LHCGR: variants seen among roughly 807,000 people sequenced by gnomAD.
LHCGR encodes luteinizing hormone/choriogonadotropin receptor.
A neutral mutation model predicts 60.7 loss-of-function variants in LHCGR; 55 were observed. The observed-to-expected ratio is 0.91, with a 90% CI of 0.73 to 1.13. The LOEUF (loss-of-function observed/expected upper bound fraction) is 1.13, where lower values mean the gene tolerates loss of function less well. Among genes scored for constraint, LHCGR ranks in the 50% most tolerant of loss-of-function variants. LHCGR has a pLI of 0.00. For missense variants in LHCGR, 862 were observed against 836.0 expected, an observed-to-expected ratio of 1.03 and a Z score of -0.38; for synonymous variants, 337 against 316.5, an observed-to-expected ratio of 1.06 and a Z score of -0.69.
At chr2:48,745,141 A>C (rs1183391225) in intron 1 of LHCGR, among the ~76,000 whole-genome samples, 3 of 152,252 alleles carry the variant, frequency 2.0e-5, no homozygotes, top group South Asian at 2.1e-4. Context: ...CAAAACCACA[A>C]TGAGATACCA....
At chr2:48,690,153 G>A (rs550833198) in intron 10 of LHCGR, among the ~76,000 whole-genome samples, 3 of 152,172 alleles carry the variant, frequency 2.0e-5, no homozygotes, top group South Asian at 2.1e-4. Flanking sequence ...TTCACTTATC[G>A]AATTCAAACC....
chr2:48,742,169 C>T (rs964478156), intron 1 of LHCGR, among the ~76,000 whole-genome samples: 3 of 151,948 alleles, frequency 2.0e-5, no homozygotes, highest in African/African-American at 7.3e-5. Flanking sequence ...GGACCCAATA[C>T]AGGAGCACCC....
chr2:48,690,869 A>G (rs1266785643), intron 10 of LHCGR, among the ~76,000 whole-genome samples: 1 of 152,206 alleles, frequency 6.6e-6, no homozygotes, highest in African/African-American at 2.4e-5. Flanking sequence ...GGTTTTACTT[A>G]TTTCTGAAAT....
intron 1 of LHCGR, among the ~76,000 whole-genome samples, chr2:48,748,248 C>A (rs78472009): frequency 0.011 from 1,642 of 152,230 alleles, 16 homozygotes; most frequent in Non-Finnish European, 0.016. Context: ...ATCTTTGGAT[C>A]CTGCATGCTA....
chr2:48,735,906 A>T (rs1230570451), intron 1 of LHCGR, among the ~76,000 whole-genome samples: 1 of 152,140 alleles, frequency 6.6e-6, no homozygotes, highest in Non-Finnish European at 1.5e-5. Flanking sequence ...TGATTGGATC[A>T]AGGGGGCAGA....
At chr2:48,725,124 T>A (rs1292788635) in intron 4 of LHCGR, among the ~76,000 whole-genome samples, 1 of 152,228 alleles carries the variant, frequency 6.6e-6, no homozygotes. Flanking sequence ...ACAGTGGTAC[T>A]CAATTTCTAA....
chr2:48,692,034 G>T (rs1666873861), intron 10 of LHCGR, among the ~76,000 whole-genome samples: 1 of 152,136 alleles, frequency 6.6e-6, no homozygotes, highest in Non-Finnish European at 1.5e-5. Context: ...CTCTCTCATT[G>T]TTTTTCAAAG....
chr2:48,732,246 G>A (rs753412059), intron 1 of LHCGR, among the ~76,000 whole-genome samples: 1 of 152,210 alleles, frequency 6.6e-6, no homozygotes, highest in Non-Finnish European at 1.5e-5. Context: ...CCAAGGACTG[G>A]CAGAGAGGAA....
intron 1 of LHCGR, among the ~76,000 whole-genome samples, chr2:48,749,734 A>G (rs1338103709): frequency 6.6e-6 from 1 of 151,530 alleles, no homozygotes; most frequent in Non-Finnish European, 1.5e-5. Context: ...AAAAAAAAAA[A>G]AAAAGAAGAA....
intron 1 of LHCGR, among the ~76,000 whole-genome samples, chr2:48,734,279 A>G (rs2103647145): frequency 6.6e-6 from 1 of 152,354 alleles, no homozygotes; most frequent in Non-Finnish European, 1.5e-5. Context: ...TACTGTTTGC[A>G]GAATTAAAAT....
At chr2:48,713,475 C>T (rs1307110186) in intron 7 of LHCGR, among the ~76,000 whole-genome samples, 1 of 152,112 alleles carries the variant, frequency 6.6e-6, no homozygotes, top group Admixed American at 6.5e-5. Flanking sequence ...AGGCTGTTAA[C>T]ATCAAGAACT....
chr2:48,709,530 T>A (rs538483571), intron 7 of LHCGR, among the ~76,000 whole-genome samples: 1 of 152,366 alleles, frequency 6.6e-6, no homozygotes, highest in South Asian at 2.1e-4. Flanking sequence ...ATTCTTTTTC[T>A]TTCAGATATG....
chr2:48,704,790 A>G (rs940550864), intron 8 of LHCGR, among the ~76,000 whole-genome samples: 1 of 151,602 alleles, frequency 6.6e-6, no homozygotes, highest in Non-Finnish European at 1.5e-5. Context: ...TTTCTTCTTT[A>G]TTAGTCTTGC....
intron 9 of LHCGR, among the ~76,000 whole-genome samples, chr2:48,698,240 G>A (rs1441299658): frequency 1.3e-5 from 2 of 152,124 alleles, no homozygotes; most frequent in African/African-American, 2.4e-5. Context: ...TAAACATTAG[G>A]TAAATTTTGC....
intron 3 of LHCGR, among the ~76,000 whole-genome samples, chr2:48,726,206 A>T (rs925798004): frequency 6.6e-6 from 1 of 152,172 alleles, no homozygotes; most frequent in Non-Finnish European, 1.5e-5. Context: ...ATGAGCAGTT[A>T]TACCGAGGGG....
chr2:48,742,446 A>C (rs1439202311), intron 1 of LHCGR, among the ~76,000 whole-genome samples: 1 of 151,122 alleles, frequency 6.6e-6, no homozygotes, highest in Non-Finnish European at 1.5e-5. Flanking sequence ...TTGGAAGTAA[A>C]GCTCTCCTCA....
intron 4 of LHCGR, among the ~76,000 whole-genome samples, chr2:48,725,399 C>A (rs1292183238): frequency 1.3e-5 from 2 of 152,146 alleles, no homozygotes; most frequent in Non-Finnish European, 1.5e-5. Flanking sequence ...TCTCCCATAC[C>A]CATTGTCAAC....
chr2:48,709,089 A>G, intron 7 of LHCGR, 67 bp from the exon 8 acceptor site: 1 of 1,268,484 alleles, frequency 7.9e-7, no homozygotes, highest in Non-Finnish European at 1.2e-6. Flanking sequence ...AGCTCCATAT[A>G]CACATGTTTA....
chr2:48,755,384 G>A, intron 1 of LHCGR, 127 bp downstream of exon 1: 1 of 656,916 alleles, frequency 1.5e-6, no homozygotes, highest in East Asian at 2.8e-5. Flanking sequence ...GGGGAAATTT[G>A]ATAGGGCAAA....
Sources: allele counts gnomAD v4.1 joint callset (sites outside exome capture counted in the v4.1 genomes callset), GRCh38; gene constraint gnomAD v4.1.1; transcripts MANE v1.5; gene names NCBI Gene and HGNC (gene_info 2026-07-23, HGNC 2026-07-21).